The following DRC10 variants were observed in gnomAD, a reference collection of about 807,000 sequenced individuals.
The protein encoded by DRC10 is IQ domain-containing protein D.
the DRC10 span, chr12:113,207,995 C>T: frequency 1.9e-6 from 3 of 1,614,212 alleles, no homozygotes; most frequent in Non-Finnish European, 2.5e-6. Flanking sequence ...TAGATCGCCT[C>T]ATCCAGGATG....
the DRC10 span, among the ~76,000 whole-genome samples, chr12:113,220,677 C>T: frequency 2.0e-5 from 3 of 152,142 alleles, no homozygotes; most frequent in African/African-American, 7.2e-5. Context: ...CTTATAAACT[C>T]CCCTCCCACC....
At chr12:113,195,821 C>G in the DRC10 span, 5 of 1,613,814 alleles carry the variant, frequency 3.1e-6, no homozygotes, top group Non-Finnish European at 4.2e-6. Flanking sequence ...GCACTTTGTG[C>G]CTCCGCCTGA....
At chr12:113,209,295 ATGT>A in the DRC10 span, among the ~76,000 whole-genome samples, 1 of 152,246 alleles carries the variant, frequency 6.6e-6, no homozygotes, top group Admixed American at 6.5e-5. Flanking sequence ...ACTAAATGTA[ATGT>A]TGTATTCTGG....
the DRC10 span, chr12:113,197,522 C>G: frequency 6.7e-7 from 1 of 1,500,316 alleles, no homozygotes; most frequent in Non-Finnish European, 9.0e-7. Flanking sequence ...GCGAGAGAGA[C>G]TTATTCAGCG....
chr12:113,207,527 C>T, the DRC10 span: 4 of 1,613,964 alleles, frequency 2.5e-6, no homozygotes, highest in Non-Finnish European at 3.4e-6. Flanking sequence ...CTACTGATAT[C>T]CTGTAAGAAC....
chr12:113,195,979 C>A, the DRC10 span: 2 of 1,486,902 alleles, frequency 1.3e-6, no homozygotes, highest in South Asian at 1.3e-5. Context: ...CCCAAATGGT[C>A]TTCTGCCCCA....
chr12:113,207,059 C>CA, the DRC10 span: 69 of 353,528 alleles, frequency 2.0e-4, no homozygotes, highest in East Asian at 3.8e-3. Flanking sequence ...GACCCTGTCT[C>CA]AAAAAAATCA....
the DRC10 span, chr12:113,200,598 T>C: frequency 6.6e-7 from 1 of 1,511,572 alleles, no homozygotes; most frequent in East Asian, 2.6e-5. Context: ...GCGCCTGCTC[T>C]GCCTCCCGGT....
At chr12:113,218,925 A>T in the DRC10 span, among the ~76,000 whole-genome samples, 1 of 152,312 alleles carries the variant, frequency 6.6e-6, no homozygotes, top group East Asian at 1.9e-4. Flanking sequence ...GTTAAGGGTG[A>T]TGTTGCTAAG....
chr12:113,214,466 A>G, the DRC10 span, among the ~76,000 whole-genome samples: 1 of 147,700 alleles, frequency 6.8e-6, no homozygotes, highest in Admixed American at 7.0e-5. Flanking sequence ...AGATCGCACC[A>G]CTGCACACTC....
the DRC10 span, chr12:113,200,529 T>TC: frequency 2.7e-5 from 15 of 559,580 alleles, no homozygotes; most frequent in Non-Finnish European, 4.3e-5. Context: ...GTCCCACCCA[T>TC]CCCCCCCACC....
the DRC10 span, among the ~76,000 whole-genome samples, chr12:113,218,457 T>G: frequency 6.7e-6 from 1 of 150,204 alleles, no homozygotes; most frequent in African/African-American, 2.5e-5. Context: ...CTTTTTTTTT[T>G]AATAGACAGG....
the DRC10 span, chr12:113,206,253 G>A: frequency 2.6e-5 from 4 of 151,068 alleles, no homozygotes; most frequent in African/African-American, 9.8e-5. Flanking sequence ...AATATACTCT[G>A]TTCTTAGCTC....
the DRC10 span, among the ~76,000 whole-genome samples, chr12:113,213,182 A>AC: frequency 4.7e-5 from 7 of 149,860 alleles, no homozygotes; most frequent in Non-Finnish European, 1.0e-4. Context: ...GTGCTAAAAA[A>AC]AAAAAAAAAA....
chr12:113,213,936 T>C, the DRC10 span, among the ~76,000 whole-genome samples: 4 of 152,046 alleles, frequency 2.6e-5, no homozygotes, highest in Non-Finnish European at 4.4e-5. Flanking sequence ...ACAGTGAGAC[T>C]CTGTCTCAAA....
the DRC10 span, chr12:113,207,099 G>A: frequency 5.8e-5 from 22 of 377,744 alleles, no homozygotes; most frequent in East Asian, 9.5e-4. Context: ...GCAGTGGCCA[G>A]CACTTTGGGA....
chr12:113,205,103 A>G, the DRC10 span, among the ~76,000 whole-genome samples: 1 of 152,028 alleles, frequency 6.6e-6, no homozygotes, highest in Non-Finnish European at 1.5e-5. Flanking sequence ...AACTGTAATT[A>G]AATGAATTCT....
At chr12:113,208,111 C>T in the DRC10 span, 12,958 of 1,614,160 alleles carry the variant, frequency 8.0e-3, 671 homozygotes, top group East Asian at 0.16. Context: ...TGGCCCTATT[C>T]TGTTGATGGC....
At chr12:113,197,586 G>A in the DRC10 span, 7 of 1,533,348 alleles carry the variant, frequency 4.6e-6, no homozygotes, top group East Asian at 4.9e-5. Flanking sequence ...TCCAGTTCTC[G>A]ATTTCCGTTT....
Sources: gnomAD v4.1 joint callset for allele counts (sites outside exome capture counted in the v4.1 genomes callset) on GRCh38, gnomAD v4.1.1 for gene constraint, MANE v1.5 for transcripts, NCBI Gene and HGNC (gene_info 2026-07-23, HGNC 2026-07-21) for gene names.